The following MYO16 variants were observed in gnomAD, a reference collection of about 807,000 sequenced individuals.
MYO16 encodes the protein unconventional myosin-XVI.
Under a neutral mutation model 205.3 loss-of-function variants are expected in MYO16, and 94 were observed. The ratio of observed to expected loss-of-function variants is 0.46; its 90% confidence interval spans 0.39 to 0.54. The LOEUF is 0.54. Among genes scored for constraint, MYO16 ranks in the 20% least tolerant of loss-of-function variants. MYO16 has a pLI of 0.00. For missense variants in MYO16, 2,315 were observed against 2,387.5 expected (o/e 0.97, Z 0.63); for synonymous variants, 988 against 954.0 (o/e 1.04, Z -0.66).
chr13:108,886,571 G>C (rs1358779097), intron 13 of MYO16: 2 of 445,044 alleles, frequency 4.5e-6, no homozygotes, highest in Non-Finnish European at 9.0e-6. Flanking sequence ...AGAGCTTAGG[G>C]CGCAAACTGC....
At chr13:108,678,301 G>A (rs188099119) in intron 2 of MYO16, among the ~76,000 whole-genome samples, 1 of 152,298 alleles carries the variant, frequency 6.6e-6, no homozygotes, top group African/African-American at 2.4e-5. Flanking sequence ...CAGTGCCTCT[G>A]ACCTTCTCAA....
intron 32 of MYO16, among the ~76,000 whole-genome samples, chr13:109,146,968 GGCAT>G (rs1219716475): frequency 2.2e-4 from 34 of 151,736 alleles, no homozygotes; most frequent in African/African-American, 7.7e-4. Context: ...TTATTCTTAA[GGCAT>G]TTTAATAAGT....
At chr13:109,025,299 G>A (rs1396377738) in intron 23 of MYO16, among the ~76,000 whole-genome samples, 2 of 152,170 alleles carry the variant, frequency 1.3e-5, no homozygotes, top group Non-Finnish European at 1.5e-5. Context: ...CCACGCTTCA[G>A]AGTCTTGTTT....
chr13:108,881,066 G>A (rs1879590888), intron 12 of MYO16, among the ~76,000 whole-genome samples: 2 of 152,172 alleles, frequency 1.3e-5, no homozygotes, highest in Non-Finnish European at 2.9e-5. Flanking sequence ...ACGTCATACA[G>A]CCAGGTGTCC....
chr13:109,057,818 T>C (rs925349633), intron 27 of MYO16, among the ~76,000 whole-genome samples: 3 of 152,036 alleles, frequency 2.0e-5, no homozygotes, highest in African/African-American at 7.2e-5. Context: ...GGGACCGGGC[T>C]CCCCCTGGTT....
At chr13:108,618,993 CAAT>C in intron 1 of MYO16, among the ~76,000 whole-genome samples, 1 of 152,170 alleles carries the variant, frequency 6.6e-6, no homozygotes, top group Middle Eastern at 3.4e-3. Flanking sequence ...CTTTTCCTAT[CAAT>C]AGCCCATTTG....
At chr13:108,751,252 A>C (rs1411881107) in intron 4 of MYO16, among the ~76,000 whole-genome samples, 2 of 152,150 alleles carry the variant, frequency 1.3e-5, no homozygotes, top group African/African-American at 4.8e-5. Flanking sequence ...TAGGTCTTGC[A>C]TGAAATTTAC....
chr13:109,173,950 G>A (rs537357487), intron 33 of MYO16, among the ~76,000 whole-genome samples: 1 of 146,918 alleles, frequency 6.8e-6, no homozygotes, highest in African/African-American at 2.5e-5. Context: ...GTTTTGATGG[G>A]GGGGGGTACT....
intron 11 of MYO16, among the ~76,000 whole-genome samples, chr13:108,855,965 A>C (rs632704): frequency 0.27 from 41,724 of 152,118 alleles, 6,023 homozygotes; most frequent in East Asian, 0.44. Context: ...GTAAGACTGC[A>C]TCTCTATTTG....
intron 5 of MYO16, among the ~76,000 whole-genome samples, chr13:108,790,414 T>C (rs1166553926): frequency 1.3e-5 from 2 of 152,206 alleles, no homozygotes; most frequent in Non-Finnish European, 2.9e-5. Flanking sequence ...ATTTTGTTTC[T>C]TAATTCTTAT....
intron 24 of MYO16, chr13:109,048,911 A>C (rs1263668490): frequency 7.1e-6 from 1 of 141,808 alleles, no homozygotes; most frequent in Admixed American, 7.5e-5. Flanking sequence ...CAGCAAATAC[A>C]CTCATTAGTG....
intron 11 of MYO16, 53 bp downstream of exon 11, chr13:108,855,606 T>C: frequency 8.0e-7 from 1 of 1,256,006 alleles, no homozygotes; most frequent in Non-Finnish European, 1.1e-6. Flanking sequence ...CTGCATATTT[T>C]TATCACCCTT....
intron 23 of MYO16, among the ~76,000 whole-genome samples, chr13:109,027,295 C>T (rs564333021): frequency 2.6e-5 from 4 of 152,234 alleles, no homozygotes; most frequent in African/African-American, 7.2e-5. Flanking sequence ...CCAGCCGGAC[C>T]GCATCTTAAT....
intron 16 of MYO16, among the ~76,000 whole-genome samples, chr13:108,942,294 A>T (rs1039812818): frequency 2.0e-5 from 3 of 152,242 alleles, no homozygotes; most frequent in African/African-American, 7.2e-5. Flanking sequence ...CATCTGTGTT[A>T]CTTCTAAATG....
chr13:108,856,273 T>A (rs1018955683), intron 11 of MYO16, among the ~76,000 whole-genome samples: 1 of 152,230 alleles, frequency 6.6e-6, no homozygotes, highest in Non-Finnish European at 1.5e-5. Context: ...AGAATGTCTA[T>A]AAAGAAATCT....
chr13:108,686,263 C>T (rs573445116), intron 2 of MYO16, among the ~76,000 whole-genome samples: 2 of 152,304 alleles, frequency 1.3e-5, no homozygotes, highest in African/African-American at 2.4e-5. Context: ...ATGTGTGATT[C>T]GCACAGCAGC....
chr13:108,803,865 G>A, intron 6 of MYO16, among the ~76,000 whole-genome samples: 1 of 152,156 alleles, frequency 6.6e-6, no homozygotes, highest in East Asian at 1.9e-4. Flanking sequence ...AGACTAAAAT[G>A]TTAATATAAA....
intron 16 of MYO16, among the ~76,000 whole-genome samples, chr13:108,946,932 G>A (rs1379036001): frequency 6.6e-6 from 1 of 152,048 alleles, no homozygotes; most frequent in Non-Finnish European, 1.5e-5. Flanking sequence ...TGTAGAGACT[G>A]GGTAATTAAA....
intron 1 of MYO16, among the ~76,000 whole-genome samples, chr13:108,652,022 T>G (rs1881027621): frequency 6.6e-6 from 1 of 151,908 alleles, no homozygotes; most frequent in Non-Finnish European, 1.5e-5. Flanking sequence ...ATCCACATTG[T>G]TCCTTTGTTT....
Sources: allele counts gnomAD v4.1 joint callset (sites outside exome capture counted in the v4.1 genomes callset), GRCh38; gene constraint gnomAD v4.1.1; transcripts MANE v1.5; gene names NCBI Gene and HGNC (gene_info 2026-07-23, HGNC 2026-07-21).